The following SFXN5 variants were observed in gnomAD, a reference collection of about 807,000 sequenced individuals.
The protein encoded by SFXN5 is sideroflexin-5.
A neutral mutation model predicts 50.2 loss-of-function variants in SFXN5; 43 were observed. That is an observed-to-expected ratio of 0.86 (90% CI 0.67 to 1.11). The LOEUF is 1.11. Among genes scored for constraint, SFXN5 ranks in the 50% least tolerant of loss-of-function variants. The pLI is 0.00. For missense variants in SFXN5, 463 were observed against 454.1 expected, an observed-to-expected ratio of 1.02 and a Z score of -0.18; for synonymous variants, 203 against 185.8, an observed-to-expected ratio of 1.09 and a Z score of -0.75.
rs144478788 is a variant in SFXN5 at position 72,966,879 on chromosome 2, C to T, written c.827+1569G>A. On this transcript the variant is annotated intron_variant, in intron 12 of 13. Transcript: ENST00000272433. ...CTCTCACCTGCAGCTGACCTGGGTA[C>T]GGGTCTTGCCCACCACCCTTATAAA... 7.3e-4 allele frequency among the ~76,000 whole-genome samples: 111 copies of T among 152,324 alleles called. 2 individuals are homozygous for T. In the East Asian group the frequency reaches 0.013, roughly 18 times the overall value.
chr2:73,042,312 G>A (rs1288619646), intron 2 of SFXN5, among the ~76,000 whole-genome samples: 2 of 152,066 alleles, frequency 1.3e-5, no homozygotes, highest in African/African-American at 4.8e-5. Context: ...CTATTATATA[G>A]TAATTAAAAA....
intron 6 of SFXN5, among the ~76,000 whole-genome samples, chr2:73,002,918 G>A (rs578033153): frequency 6.6e-6 from 1 of 152,258 alleles, no homozygotes; most frequent in African/African-American, 2.4e-5. Context: ...GATCCCCTTT[G>A]GGGCACTAAC....
chr2:72,956,533 G>C (rs190988524), intron 13 of SFXN5, among the ~76,000 whole-genome samples: 1 of 152,182 alleles, frequency 6.6e-6, no homozygotes, highest in African/African-American at 2.4e-5. Context: ...GGTGGGCTGG[G>C]GAGGGTCACA....
intron 1 of SFXN5, among the ~76,000 whole-genome samples, chr2:73,061,053 T>C (rs531420548): frequency 8.2e-5 from 12 of 146,732 alleles, no homozygotes; most frequent in Non-Finnish European, 1.5e-4. Flanking sequence ...TGGTGGCTCA[T>C]GCCTGTAATC....
chr2:73,036,623 G>GCTACT (rs1679014853), intron 3 of SFXN5, among the ~76,000 whole-genome samples: 1 of 152,194 alleles, frequency 6.6e-6, no homozygotes, highest in Non-Finnish European at 1.5e-5. Flanking sequence ...GCAAAGAGGA[G>GCTACT]GAAATGTGGC....
intron 6 of SFXN5, among the ~76,000 whole-genome samples, chr2:73,003,605 T>C (rs1015479644): frequency 6.6e-6 from 1 of 152,222 alleles, no homozygotes; most frequent in Non-Finnish European, 1.5e-5. Flanking sequence ...CACAGCCCCA[T>C]CTGCCAAGTG....
At chr2:72,966,691 C>A (rs577802513) in intron 12 of SFXN5, among the ~76,000 whole-genome samples, 1 of 152,268 alleles carries the variant, frequency 6.6e-6, no homozygotes, top group South Asian at 2.1e-4. Context: ...AGTGTCTATA[C>A]CACAGGCCTG....
At chr2:72,995,816 G>A (rs1407010404) in intron 9 of SFXN5, among the ~76,000 whole-genome samples, 1 of 152,166 alleles carries the variant, frequency 6.6e-6, no homozygotes, top group East Asian at 1.9e-4. Flanking sequence ...TCTTTCTTCA[G>A]AGGTTTTGTG....
In SFXN5 at chr2:73,071,675, C is replaced by G; in HGVS notation, c.31G>C (p.Ala11Pro). Residue 11 changes from alanine to proline, a missense_variant, in exon 1 of 14, where the codon GCG becomes CCG. Ala to Pro is a conservative substitution (Grantham distance 27). Transcript: ENST00000272433. ...GAGGCGCTAGCGGCACTAGCCGCCG[C>G]CGCCGATGCTGTAGTCGCTGTATCC... is the stretch of plus-strand genomic sequence containing the variant. MADTATTASAAAASAASASSD... is the reference protein window; with the variant it reads MADTATTASAPAASAASASSD... 6.2e-7 allele frequency: 1 copy of G among 1,613,022 alleles called. No homozygotes were observed. Among genetic ancestry groups the G allele is most frequent in the East Asian group, 2.2e-5 (1 of 44,872 alleles).
At chr2:72,982,928 G>A (rs1671494696) in intron 10 of SFXN5, among the ~76,000 whole-genome samples, 1 of 152,216 alleles carries the variant, frequency 6.6e-6, no homozygotes, top group African/African-American at 2.4e-5. Flanking sequence ...GGCATCCAGA[G>A]GTGCCTGAAG....
At chr2:73,059,521 T>A in intron 1 of SFXN5, 1 of 985,364 alleles carries the variant, frequency 1.0e-6, no homozygotes, top group Non-Finnish European at 1.2e-6. Context: ...CCAATTCCTG[T>A]TCCTTTCCCT....
chr2:72,980,880 C>G (rs1240629140), intron 10 of SFXN5: 1 of 152,124 alleles, frequency 6.6e-6, no homozygotes, highest in Non-Finnish European at 1.5e-5. Flanking sequence ...TGCATAGCCC[C>G]TCCCTCCCTC....
At chr2:73,065,824 G>A (rs1246350810) in intron 1 of SFXN5, among the ~76,000 whole-genome samples, 1 of 152,222 alleles carries the variant, frequency 6.6e-6, no homozygotes, top group African/African-American at 2.4e-5. Context: ...CAAAGTGCTG[G>A]GATTACAAGC....
At chr2:73,056,550 T>C (rs1466084904) in intron 2 of SFXN5, among the ~76,000 whole-genome samples, 1 of 151,896 alleles carries the variant, frequency 6.6e-6, no homozygotes, top group Non-Finnish European at 1.5e-5. Flanking sequence ...CCGGGCATGG[T>C]GGCGCACACC....
chr2:73,016,954 G>A (rs376123901), intron 6 of SFXN5, among the ~76,000 whole-genome samples: 1 of 152,130 alleles, frequency 6.6e-6, no homozygotes, highest in Non-Finnish European at 1.5e-5. Flanking sequence ...GTTTACCCCC[G>A]TGATCACATG....
chr2:72,949,849 G>A (rs139271342), intron 13 of SFXN5, among the ~76,000 whole-genome samples: 3 of 152,068 alleles, frequency 2.0e-5, no homozygotes, highest in East Asian at 3.9e-4. Flanking sequence ...ATGACTGTGC[G>A]TTGGATGACT....
chr2:72,989,989 T>G (rs1198320139), intron 9 of SFXN5, among the ~76,000 whole-genome samples: 6 of 152,114 alleles, frequency 3.9e-5, no homozygotes, highest in African/African-American at 1.4e-4. Flanking sequence ...GGCCTTAATG[T>G]TGTGGGTGGT....
intron 3 of SFXN5, among the ~76,000 whole-genome samples, chr2:73,036,002 C>T (rs1297731314): frequency 6.6e-6 from 1 of 152,188 alleles, no homozygotes; most frequent in African/African-American, 2.4e-5. Flanking sequence ...CAGCACTGCC[C>T]ACAACACCAG....
Position 72,944,944 on chromosome 2 carries a change from G to T in SFXN5, c.*78C>A. On this transcript the variant is annotated 3_prime_UTR_variant, in exon 14 of 14. Coordinates refer to ENST00000272433, the MANE Select transcript of SFXN5 (RefSeq NM_144579.3). ...TGGGGTTGGCGTGCTGCTCCCTGCAGGTGCAGCCGTGAGTCTACGGCCCTG... is the reference window on the plus strand; with the variant it reads ...TGGGGTTGGCGTGCTGCTCCCTGCATGTGCAGCCGTGAGTCTACGGCCCTG... 4.3e-6 allele frequency: 6 copies of T among 1,386,374 alleles called. 1 individual carries two copies. In the South Asian group the frequency reaches 5.0e-5, roughly 11 times the overall value. 85.9% of individuals were successfully genotyped at this position (1,386,374 alleles called of 1,614,324 possible). A position where few individuals can be genotyped will look rare whatever the true frequency, so the allele number is the denominator to read the frequency against.
Sources: gnomAD v4.1 joint callset for allele counts (sites outside exome capture counted in the v4.1 genomes callset) on GRCh38, gnomAD v4.1.1 for gene constraint, MANE v1.5 for transcripts, NCBI Gene and HGNC (gene_info 2026-07-23, HGNC 2026-07-21) for gene names.